NHSL1: variants seen among roughly 807,000 people sequenced by gnomAD.
The protein encoded by NHSL1 is NHS-like protein 1.
NHSL1 carries 48 observed loss-of-function variants against 95.0 expected under a neutral mutation model. The ratio of observed to expected loss-of-function variants is 0.51; its 90% confidence interval spans 0.40 to 0.64. The LOEUF (loss-of-function observed/expected upper bound fraction) is 0.64. Ranked by LOEUF, NHSL1 falls within the 30% of genes least tolerant of loss-of-function variation. The probability of loss-of-function intolerance (pLI) is 0.00; values close to 1 mark genes in which losing one functional copy is unlikely to be tolerated. For missense variants in NHSL1, 1,971 were observed against 2,077.7 expected (o/e 0.95, Z 1.00); for synonymous variants, 783 against 833.9 (o/e 0.94, Z 1.05).
intron 1 of NHSL1, among the ~76,000 whole-genome samples, chr6:138,662,947 A>T (rs1447281872): frequency 6.8e-6 from 1 of 146,082 alleles, no homozygotes; most frequent in Non-Finnish European, 1.5e-5. Flanking sequence ...AACCCCCTTT[A>T]AAAAAAAAAA....
In NHSL1 at chr6:138,424,959, G is replaced by C. The variant is rs1391979262; in HGVS notation, c.4086-143C>G. 6 of 710,210 alleles carry C rather than the reference G, an allele frequency of 8.4e-6. No homozygotes were observed. In the East Asian group the frequency reaches 1.1e-4, roughly 13 times the overall value. The allele number at this position is 710,210 out of a possible 1,614,324, so 44.0% of individuals were successfully genotyped here. ...AAAAATTTATTTTTGACTGGGCACA[G>C]TGGCTCACACCTGTAATCCCAGCAT... is the stretch of plus-strand genomic sequence containing the variant. On this transcript the variant is annotated intron_variant, in intron 7 of 7. Transcript: ENST00000343505. This position sits in a 1 kb window ranked among gnomAD's most constrained non-coding sequence, Gnocchi z 5.9.
chr6:138,461,544 G>A (rs553893837), intron 3 of NHSL1, among the ~76,000 whole-genome samples: 198 of 152,316 alleles, frequency 1.3e-3, no homozygotes, highest in African/African-American at 4.4e-3. Flanking sequence ...ATGCTGAGAG[G>A]TTGAGTAAGA....
At position 138,430,562 on chromosome 6, in the gene NHSL1, C is replaced by A; in HGVS notation, c.3783G>T (p.Ser1261=). ...AGSHATHPGT[S]VLEGGAAGSM... ...ATCCTGCAGCTCCTCCCTCAAGAAC[C>A]GAGGTGCCAGGGTGCGTGGCATGAG... The change falls in exon 6 of 8, where the codon TCG becomes TCT. Residue 1261 remains serine, a synonymous_variant. Coordinates refer to ENST00000343505, the MANE Select transcript of NHSL1 (RefSeq NM_001144060.2). The surrounding 1 kb of genome is among the most constrained non-coding windows in gnomAD (Gnocchi z 4.7). 6.4e-7 allele frequency: 1 copy of A among 1,550,796 alleles called. No homozygotes were observed. The highest frequency in any genetic ancestry group is 8.7e-7 in the Non-Finnish European group (1 of 1,146,386).
chr6:138,428,541 C>T (rs1229255667), intron 7 of NHSL1, among the ~76,000 whole-genome samples: 3 of 152,214 alleles, frequency 2.0e-5, no homozygotes, highest in South Asian at 2.1e-4. Context: ...ATCTATTATA[C>T]CAACACTAGA....
At chr6:138,512,222 T>G (rs375088126) in intron 1 of NHSL1, 5 of 448,360 alleles carry the variant, frequency 1.1e-5, no homozygotes, top group African/African-American at 4.0e-5. Flanking sequence ...ACAATCATTT[T>G]TAATCAGACA....
At chr6:138,621,372 G>T (rs1784661124) in intron 1 of NHSL1, among the ~76,000 whole-genome samples, 1 of 152,070 alleles carries the variant, frequency 6.6e-6, no homozygotes, top group Non-Finnish European at 1.5e-5. Flanking sequence ...ACAACACAAA[G>T]ATCTCCATTA....
At chr6:138,662,337 C>A (rs1404370758) in intron 1 of NHSL1, among the ~76,000 whole-genome samples, 1 of 152,112 alleles carries the variant, frequency 6.6e-6, no homozygotes, top group Admixed American at 6.5e-5. Context: ...ATCCAATGAA[C>A]CTATAATATT....
chr6:138,625,594 T>C (rs1321209532), intron 1 of NHSL1, among the ~76,000 whole-genome samples: 1 of 151,192 alleles, frequency 6.6e-6, no homozygotes, highest in South Asian at 2.1e-4. Flanking sequence ...TATAGTGCCA[T>C]GAGTACAGTA....
rs900448673 is a variant in NHSL1 at position 138,653,341 on chromosome 6, G to A, written c.96+39135C>T. Among the ~76,000 whole-genome samples the A allele has an allele frequency of 1.6e-4, 25 of 152,182 alleles. No homozygotes were observed. The South Asian group carries it at 3.3e-3, about 20-fold the overall frequency. On this transcript the variant is annotated intron_variant, in intron 1 of 3. Coordinates refer to the NHSL1 transcript ENST00000491526. ...GAGGCCGAGGAGGGTGGATCACGAG[G>A]TCAAGGGATCAAGACCATCCTGGCC... is the stretch of plus-strand genomic sequence containing the variant.
chr6:138,593,368 C>T (rs867562016), intron 1 of NHSL1, among the ~76,000 whole-genome samples: 5 of 152,230 alleles, frequency 3.3e-5, no homozygotes, highest in African/African-American at 4.8e-5. Context: ...CAGTGAGTCA[C>T]GTTTCCGTTT....
At chr6:138,429,428 T>C (rs1775477777) in intron 7 of NHSL1, among the ~76,000 whole-genome samples, 4 of 152,214 alleles carry the variant, frequency 2.6e-5, no homozygotes, top group Admixed American at 6.5e-5. Flanking sequence ...CTCTGTCTTA[T>C]GACTGCCACA....
intron 5 of NHSL1, among the ~76,000 whole-genome samples, chr6:138,437,383 TATACAC>T (rs1369845634): frequency 6.0e-5 from 5 of 82,912 alleles, no homozygotes; most frequent in African/African-American, 2.8e-4. Context: ...CACATATATA[TATACAC>T]ATATATATAT....
In NHSL1 at chr6:138,424,747, C is replaced by G; in HGVS notation, c.4155G>C (p.Pro1385=). The change falls in exon 8 of 8, where the codon CCG becomes CCC. Residue 1385 remains proline, a synonymous_variant. Transcript: ENST00000343505. The surrounding 1 kb of genome is among the most constrained non-coding windows in gnomAD (Gnocchi z 5.9). ...GGGCAGCGCCGGTGGGTGTCACGGG[C>G]GGGGAGGGAGAATGGTTTCGGGAGT... is the stretch of plus-strand genomic sequence containing the variant. The part of the protein sequence containing the change: ...DDHSRNHSPS[P]PVTPTGAAPS... 6.4e-7 allele frequency: 1 copy of G among 1,551,084 alleles called. No homozygotes were observed. The highest frequency in any genetic ancestry group is 1.7e-4 in the Middle Eastern group (1 of 5,980).
intron 1 of NHSL1, among the ~76,000 whole-genome samples, chr6:138,653,457 G>A (rs534635988): frequency 2.6e-5 from 4 of 152,218 alleles, no homozygotes; most frequent in Non-Finnish European, 4.4e-5. Context: ...GGGAGGCTGA[G>A]GCAGGAGAAT....
At chr6:138,583,621 G>A (rs1466486861) in intron 1 of NHSL1, among the ~76,000 whole-genome samples, 3 of 152,064 alleles carry the variant, frequency 2.0e-5, no homozygotes, top group South Asian at 2.1e-4. Flanking sequence ...CCCAGGACCC[G>A]GCATACAGTA....
upstream of NHSL1, among the ~76,000 whole-genome samples, chr6:138,575,961 A>G (rs980014431): frequency 2.1e-5 from 1 of 47,626 alleles, no homozygotes; most frequent in Non-Finnish European, 3.6e-5. Flanking sequence ...AAATCCCTAC[A>G]TTTATTTATT....
chr6:138,515,697 T>C (rs1781429374), intron 1 of NHSL1, among the ~76,000 whole-genome samples: 1 of 152,204 alleles, frequency 6.6e-6, no homozygotes, highest in Non-Finnish European at 1.5e-5. Flanking sequence ...TTCAATAAAA[T>C]GGGAATAAGG....
chr6:138,636,169 T>C (rs1238332672), intron 1 of NHSL1, among the ~76,000 whole-genome samples: 1 of 147,308 alleles, frequency 6.8e-6, no homozygotes, highest in African/African-American at 2.5e-5. Flanking sequence ...AAAAAAAACA[T>C]ATGGTCATTT....
chr6:138,444,757 C>T (rs1776754032), intron 4 of NHSL1, among the ~76,000 whole-genome samples: 1 of 152,078 alleles, frequency 6.6e-6, no homozygotes, highest in Non-Finnish European at 1.5e-5. Flanking sequence ...TAACCTATGT[C>T]AATTCAACCA....
Sources: allele counts gnomAD v4.1 joint callset (sites outside exome capture counted in the v4.1 genomes callset), GRCh38; gene constraint gnomAD v4.1.1; non-coding constraint Gnocchi (gnomAD v3.1); transcripts MANE v1.5; gene names NCBI Gene and HGNC (gene_info 2026-07-23, HGNC 2026-07-21).